TBC1D16: variants seen among roughly 807,000 people sequenced by gnomAD.
The protein encoded by TBC1D16 is TBC1 domain family member 16.
TBC1D16 carries 58 observed loss-of-function variants against 74.7 expected under a neutral mutation model. The observed-to-expected ratio is 0.78, with a 90% CI of 0.63 to 0.97. TBC1D16 has a LOEUF of 0.97. Among genes scored for constraint, TBC1D16 ranks in the 50% least tolerant of loss-of-function variants. The probability of loss-of-function intolerance (pLI) is 0.00; values close to 1 mark genes in which losing one functional copy is unlikely to be tolerated. For missense variants in TBC1D16, 1,014 were observed against 1,079.5 expected (o/e 0.94, Z 0.85); for synonymous variants, 493 against 474.7 (o/e 1.04, Z -0.50).
chr17:80,025,371 C>T (rs974398759), intron 1 of TBC1D16, among the ~76,000 whole-genome samples: 4 of 150,080 alleles, frequency 2.7e-5, no homozygotes, highest in African/African-American at 1.0e-4. Context: ...CCTCCCTACC[C>T]AGCCCCCATG....
In TBC1D16 at chr17:80,010,896, T is replaced by C; in HGVS notation, c.182-139A>G. ...TCCGGCCTCAGATACAGCCTGGCCC[T>C]GAGCAAAAACACTAGAGGGAAACTG... On this transcript the variant is annotated intron_variant, in intron 2 of 11. Coordinates refer to ENST00000310924, the MANE Select transcript of TBC1D16 (RefSeq NM_019020.4). The surrounding 1 kb of genome is among the most constrained non-coding windows in gnomAD (Gnocchi z 8.8). The C allele has an allele frequency of 1.9e-6, 1 of 515,484 alleles. No homozygotes were observed. Among genetic ancestry groups the C allele is most frequent in the Non-Finnish European group, 3.2e-6 (1 of 307,762 alleles). 31.9% of individuals were successfully genotyped at this position (515,484 alleles called of 1,614,324 possible). A position where few individuals can be genotyped will look rare whatever the true frequency, so the allele number is the denominator to read the frequency against.
Position 80,009,430 on chromosome 17 carries a change from C to A in TBC1D16, c.779+730G>T, listed in dbSNP as rs1315048489. Among the ~76,000 whole-genome samples, 1 of 152,228 alleles carries A rather than the reference C, an allele frequency of 6.6e-6. No homozygotes were observed. The highest frequency in any genetic ancestry group is 2.4e-5 in the African/African-American group (1 of 41,464). On this transcript the variant is annotated intron_variant, in intron 3 of 11. Transcript: ENST00000310924. This position sits in a 1 kb window ranked among gnomAD's most constrained non-coding sequence, Gnocchi z 5.4. ...TCGTGGCACCATGCAACCCTCCCCA[C>A]TCAGGAAGGTCTCTTTGGGTTCCAA... is the stretch of plus-strand genomic sequence containing the variant.
At chr17:79,958,311 C>T (rs1000598411) in intron 3 of TBC1D16, among the ~76,000 whole-genome samples, 3 of 151,724 alleles carry the variant, frequency 2.0e-5, no homozygotes, top group African/African-American at 7.3e-5. Context: ...CCTCCACCTC[C>T]CGGGTTCAAG....
At position 79,945,252 on chromosome 17, in the gene TBC1D16, G is replaced by A. The variant is rs1008560062; in HGVS notation, c.1729-165C>T. Among the ~76,000 whole-genome samples, 35 of 152,148 alleles carry A rather than the reference G, an allele frequency of 2.3e-4. 1 individual carries two copies. Among genetic ancestry groups the A allele is most frequent in the African/African-American group, 3.9e-4 (16 of 41,428 alleles). ...GCCTGCCCCCCCAACGCTCCATTCC[G>A]CCGCTGGAATCGGCTCACACCTGCC... On this transcript the variant is annotated intron_variant, in intron 9 of 11. Coordinates refer to ENST00000310924, the MANE Select transcript of TBC1D16 (RefSeq NM_019020.4).
chr17:80,030,808 C>G (rs1375221213), intron 1 of TBC1D16, among the ~76,000 whole-genome samples: 2 of 152,108 alleles, frequency 1.3e-5, no homozygotes, highest in African/African-American at 4.8e-5. Flanking sequence ...GGACGCAGCC[C>G]ACCACCGATT....
rs1470636107 is a variant in TBC1D16 at position 79,940,797 on chromosome 17, C to A, written c.*62G>T. ...TCCCCTTCACGCCCAGCCCCACCCC[C>A]TCCCGTGCCCAGGGCCTCTGAGGAG... On this transcript the variant is annotated 3_prime_UTR_variant, in exon 12 of 12. Transcript: ENST00000310924. This position sits in a 1 kb window ranked among gnomAD's most constrained non-coding sequence, Gnocchi z 5.4. 4 of 1,451,048 alleles carry A rather than the reference C, an allele frequency of 2.8e-6. No homozygotes were observed. Among genetic ancestry groups the A allele is most frequent in the African/African-American group, 2.8e-5 (2 of 70,452 alleles). The allele number at this position is 1,451,048 out of a possible 1,614,324, so 89.9% of individuals were successfully genotyped here. A position where few individuals can be genotyped will look rare whatever the true frequency, so the allele number is the denominator to read the frequency against.
At chr17:80,028,490 T>C (rs1032678516) in intron 1 of TBC1D16, among the ~76,000 whole-genome samples, 7 of 150,510 alleles carry the variant, frequency 4.7e-5, no homozygotes, top group Non-Finnish European at 1.0e-4. Flanking sequence ...GATGGCACCA[T>C]TGCACTCCAG....
Position 79,985,182 on chromosome 17 carries a change from G to A in TBC1D16, c.779+24978C>T, listed in dbSNP as rs903020652. 2.0e-5 allele frequency among the ~76,000 whole-genome samples: 3 copies of A among 152,080 alleles called. No homozygotes were observed. The highest frequency in any genetic ancestry group is 7.2e-5 in the African/African-American group (3 of 41,404). On this transcript the variant is annotated intron_variant, in intron 3 of 11. Coordinates refer to ENST00000310924, the MANE Select transcript of TBC1D16 (RefSeq NM_019020.4). This position sits in a 1 kb window ranked among gnomAD's most constrained non-coding sequence, Gnocchi z 4.9. ...CCTGGAAGCCCCCAAGCCTGCAGCA[G>A]CATCACTCCCATCTCTGCCTCCATC... is the stretch of plus-strand genomic sequence containing the variant.
At position 79,941,472 on chromosome 17, in the gene TBC1D16, C is replaced by T. The variant is rs568797477; in HGVS notation, c.2056-365G>A. 2.2e-4 allele frequency among the ~76,000 whole-genome samples: 34 copies of T among 152,238 alleles called. No homozygotes were observed. The highest frequency in any genetic ancestry group is 8.2e-4 in the African/African-American group (34 of 41,516). ...CCTTTGGCAGCACCCCTCTCTTCTTCCCCCGCACCTTGCTCCACCCCCCAC... is the reference window on the plus strand; with the variant it reads ...CCTTTGGCAGCACCCCTCTCTTCTTTCCCCGCACCTTGCTCCACCCCCCAC... On this transcript the variant is annotated intron_variant, in intron 11 of 11. Coordinates refer to ENST00000310924, the MANE Select transcript of TBC1D16 (RefSeq NM_019020.4). The surrounding 1 kb of genome is among the most constrained non-coding windows in gnomAD (Gnocchi z 4.3).
intron 8 of TBC1D16, among the ~76,000 whole-genome samples, chr17:79,948,059 CCAG>C (rs2032708948): frequency 6.6e-6 from 1 of 152,158 alleles, no homozygotes; most frequent in African/African-American, 2.4e-5. Context: ...GCCTACAATC[CCAG>C]CACTTTGGGA....
rs1015032213 is a variant in TBC1D16, at chr17:79,979,537, CCAAA to C, written c.780-26723_780-26720del. 2.0e-5 allele frequency among the ~76,000 whole-genome samples: 3 copies of C among 152,132 alleles called. No homozygotes were observed. The highest frequency in any genetic ancestry group is 7.2e-5 in the African/African-American group (3 of 41,414). On this transcript the variant is annotated intron_variant, in intron 3 of 11. Coordinates refer to ENST00000310924, the MANE Select transcript of TBC1D16 (RefSeq NM_019020.4). The surrounding 1 kb of genome is among the most constrained non-coding windows in gnomAD (Gnocchi z 4.8). ...ACGTCCCTGTGTCATCTCTGCAGGACCAAACAGTCAATTAGTATCCAAATACTTT... is the reference window on the plus strand; with the variant it reads ...ACGTCCCTGTGTCATCTCTGCAGGACCAGTCAATTAGTATCCAAATACTTT...
At chr17:79,958,442 A>ACTCCTGACCTCGTGATCCGCCTGCCT (rs1187581368) in intron 3 of TBC1D16, among the ~76,000 whole-genome samples, 1 of 151,962 alleles carries the variant, frequency 6.6e-6, no homozygotes, top group African/African-American at 2.4e-5. Context: ...CTCGTCTGGA[A>ACTCCTGACCTCGTGATCCGCCTGCCT]CTCCTGACCT....
chr17:79,944,623 A>C lies in TBC1D16; in HGVS notation c.1908+285T>G, dbSNP rs972143468. ...TGCTGTGGCCTAGTGTAGGCCCCCCACAGTGTCACTCACACTGATTGGTTG... is the reference window on the plus strand; with the variant it reads ...TGCTGTGGCCTAGTGTAGGCCCCCCCCAGTGTCACTCACACTGATTGGTTG... On this transcript the variant is annotated intron_variant, in intron 10 of 11. Coordinates refer to ENST00000310924, the MANE Select transcript of TBC1D16 (RefSeq NM_019020.4). The surrounding 1 kb of genome is among the most constrained non-coding windows in gnomAD (Gnocchi z 7.7). 5.9e-5 allele frequency among the ~76,000 whole-genome samples: 9 copies of C among 152,128 alleles called. No homozygotes were observed. The highest frequency in any genetic ancestry group is 8.8e-5 in the Non-Finnish European group (6 of 68,024).
In TBC1D16 at chr17:80,019,444, C is replaced by CA. The variant is rs201736912; in HGVS notation, c.-62-5836_-62-5835insT. Reference sequence around the variant, plus strand: ...CCACCTGGGACACCAGGACAACCCCCCCCCGCCCCTCCCAGATTGTTCTGG... The same window carrying CA: ...CCACCTGGGACACCAGGACAACCCCCACCCCGCCCCTCCCAGATTGTTCTGG... On this transcript the variant is annotated intron_variant, in intron 1 of 11. Coordinates refer to ENST00000310924, the MANE Select transcript of TBC1D16 (RefSeq NM_019020.4). 7.3e-3 allele frequency among the ~76,000 whole-genome samples: 1,055 copies of CA among 143,776 alleles called. 12 individuals are homozygous for CA. The highest frequency in any genetic ancestry group is 0.021 in the Middle Eastern group (6 of 282). The allele number at this position is 143,776 out of a possible 152,430, so 94.3% of individuals were successfully genotyped here. A position where few individuals can be genotyped will look rare whatever the true frequency, so the allele number is the denominator to read the frequency against.
intron 1 of TBC1D16, among the ~76,000 whole-genome samples, chr17:80,030,617 G>A (rs1418504419): frequency 1.3e-5 from 2 of 152,238 alleles, no homozygotes; most frequent in Non-Finnish European, 2.9e-5. Flanking sequence ...TGCTCACTCT[G>A]TGCCGTGCAC....
rs1273333513 is a variant in TBC1D16 at position 79,981,131 on chromosome 17, G to A, written c.780-28313C>T. On this transcript the variant is annotated intron_variant, in intron 3 of 11. Coordinates refer to ENST00000310924, the MANE Select transcript of TBC1D16 (RefSeq NM_019020.4). This position sits in a 1 kb window ranked among gnomAD's most constrained non-coding sequence, Gnocchi z 6.9. ...TCTAGCCCCTCGTGGCAGCAGTGACGGAAGGACAGAACTTGTTTAGGCATC... is the reference window on the plus strand; with the variant it reads ...TCTAGCCCCTCGTGGCAGCAGTGACAGAAGGACAGAACTTGTTTAGGCATC... 3.3e-5 allele frequency among the ~76,000 whole-genome samples: 5 copies of A among 152,202 alleles called. No homozygotes were observed. The highest frequency in any genetic ancestry group is 7.2e-5 in the African/African-American group (3 of 41,452).
Position 79,947,780 on chromosome 17 carries a change from T to G in TBC1D16, c.1593A>C (p.Gln531His). Residue 531 changes from glutamine (Q) to histidine (H), a missense_variant, in exon 9 of 12, where the codon CAA becomes CAC. Gln to His is a conservative substitution (Grantham distance 24). Coordinates refer to ENST00000310924, the MANE Select transcript of TBC1D16 (RefSeq NM_019020.4). ...TGGGCGCCACCAGGTCCGACATCCC[T>G]TGGGAATAGCCGACGGCAGGGTTGT... is the stretch of plus-strand genomic sequence containing the variant. The part of the protein sequence containing the change: ...AVYNPAVGYS[Q>H]GMSDLVAPIL... 1 of 1,613,846 alleles carries G rather than the reference T, an allele frequency of 6.2e-7. No individual in the cohort carries two copies. Among genetic ancestry groups the G allele is most frequent in the Non-Finnish European group, 8.5e-7 (1 of 1,180,014 alleles).
intron 3 of TBC1D16, chr17:79,992,751 T>G (rs2035120452): frequency 6.6e-6 from 1 of 152,348 alleles, no homozygotes. Context: ...TTCCAGAACA[T>G]TCCCACTTCC....
chr17:79,997,341 C>A (rs997514170), intron 3 of TBC1D16, among the ~76,000 whole-genome samples: 3 of 151,686 alleles, frequency 2.0e-5, no homozygotes, highest in African/African-American at 7.3e-5. Flanking sequence ...GTGTATAGGG[C>A]CTCCCGGTAC....
Sources: allele counts gnomAD v4.1 joint callset (sites outside exome capture counted in the v4.1 genomes callset), GRCh38; gene constraint gnomAD v4.1.1; non-coding constraint Gnocchi (gnomAD v3.1); transcripts MANE v1.5; gene names NCBI Gene and HGNC (gene_info 2026-07-23, HGNC 2026-07-21).